The following SLCO2A1 variants were observed in gnomAD, a reference collection of about 807,000 sequenced individuals.
The protein encoded by SLCO2A1 is matrin F/G 1.
Under a neutral mutation model 71.7 loss-of-function variants are expected in SLCO2A1, and 60 were observed. The observed-to-expected ratio is 0.84, with a 90% CI of 0.68 to 1.04. The LOEUF (loss-of-function observed/expected upper bound fraction) is 1.04, where lower values mean the gene tolerates loss of function less well. Ranked by LOEUF, SLCO2A1 falls within the 50% of genes least tolerant of loss-of-function variation. The pLI, the probability that SLCO2A1 is intolerant of heterozygous loss-of-function variation, is 0.00. For synonymous variants in SLCO2A1, 308 were observed against 326.7 expected (o/e 0.94, Z 0.62); for missense variants, 745 against 813.4 (o/e 0.92, Z 1.02).
rs761177468 is a variant in SLCO2A1, at chr3:133,938,433, C to T, written c.1686G>A (p.Leu562=). The change falls in exon 12 of 14, where the codon TTG becomes TTA. Residue 562 remains leucine, a synonymous_variant. Transcript: ENST00000310926. ...AGAGGGGTCTTAGACACTTACCCAG[C>T]AAGCGCATCAACAAGAACTGCACCC... ...AIGVQFLLMR[L]LAWLPSPALY... 6.2e-7 allele frequency: 1 copy of T among 1,614,074 alleles called. No individual in the cohort carries two copies. The highest frequency in any genetic ancestry group is 8.5e-7 in the Non-Finnish European group (1 of 1,179,948).
At chr3:133,941,281 T>C (rs901296039) in intron 11 of SLCO2A1, among the ~76,000 whole-genome samples, 1 of 152,218 alleles carries the variant, frequency 6.6e-6, no homozygotes, top group Non-Finnish European at 1.5e-5. Flanking sequence ...ATTATTATTA[T>C]TATTATTTGA....
chr3:134,018,043 T>G (rs1935496961), intron 1 of SLCO2A1, among the ~76,000 whole-genome samples: 1 of 152,142 alleles, frequency 6.6e-6, no homozygotes, highest in Non-Finnish European at 1.5e-5. Flanking sequence ...GAAGACAAAC[T>G]GAAAGCTAAG....
chr3:133,944,738 G>A (rs1001184315), intron 10 of SLCO2A1, among the ~76,000 whole-genome samples: 1 of 152,218 alleles, frequency 6.6e-6, no homozygotes, highest in Non-Finnish European at 1.5e-5. Context: ...TCTGGGCCAC[G>A]GCCAGCCTGC....
chr3:133,956,553 C>G lies in SLCO2A1; in HGVS notation c.398-1360G>C, dbSNP rs184950911. On this transcript the variant is annotated intron_variant, in intron 3 of 13. Coordinates refer to ENST00000310926, the MANE Select transcript of SLCO2A1 (RefSeq NM_005630.3). Reference sequence around the variant, plus strand: ...TCATCTAGACCTTCAATAGTTGTGTCCGTGGAAGGAAGCATCCTGGCAAGC... The same window carrying G: ...TCATCTAGACCTTCAATAGTTGTGTGCGTGGAAGGAAGCATCCTGGCAAGC... Among the ~76,000 whole-genome samples the G allele has an allele frequency of 3.9e-5, 6 of 152,318 alleles. No homozygotes were observed. In the East Asian group the frequency reaches 1.2e-3, roughly 29 times the overall value.
rs573841069 is a variant in SLCO2A1, at chr3:133,932,935, C to T, written c.*1778G>A. 1 of 152,744 alleles carries T rather than the reference C, an allele frequency of 6.5e-6. No homozygotes were observed. The highest frequency in any genetic ancestry group is 1.9e-4 in the East Asian group (1 of 5,186). The allele number at this position is 152,744 out of a possible 1,614,324, so 9.5% of individuals were successfully genotyped here. A position where few individuals can be genotyped will look rare whatever the true frequency, so the allele number is the denominator to read the frequency against. Reference sequence around the variant, plus strand: ...ACTGGCCCCTGAGGTTACATTGAGCCTCCCTTCCTGAGTGAGATGTTTGGA... The same window carrying T: ...ACTGGCCCCTGAGGTTACATTGAGCTTCCCTTCCTGAGTGAGATGTTTGGA... On this transcript the variant is annotated 3_prime_UTR_variant, in exon 14 of 14. Transcript: ENST00000310926.
At chr3:133,967,249 C>T (rs1361684189) in intron 3 of SLCO2A1, among the ~76,000 whole-genome samples, 7 of 152,210 alleles carry the variant, frequency 4.6e-5, no homozygotes, top group South Asian at 4.1e-4. Flanking sequence ...GTGCTAGAGA[C>T]GCAGAACAAG....
Position 133,945,350 on chromosome 3 carries a change from G to A in SLCO2A1, c.1296-90C>T, listed in dbSNP as rs571603877. The A allele has an allele frequency of 1.0e-5, 13 of 1,266,362 alleles. No homozygotes were observed. In the South Asian group the frequency reaches 1.7e-4, roughly 17 times the overall value. 78.4% of individuals were successfully genotyped at this position (1,266,362 alleles called of 1,614,324 possible). ...GCCCAGTGTGAGTTCCTGGCCTGGT[G>A]AGTGTGTCTGTGCATCTTTATTTCT... is the stretch of plus-strand genomic sequence containing the variant. On this transcript the variant is annotated intron_variant, in intron 9 of 13. Coordinates refer to ENST00000310926, the MANE Select transcript of SLCO2A1 (RefSeq NM_005630.3).
chr3:133,986,865 T>G (rs1263379421), intron 1 of SLCO2A1, among the ~76,000 whole-genome samples: 5 of 152,192 alleles, frequency 3.3e-5, no homozygotes, highest in Non-Finnish European at 5.9e-5. Context: ...CATGGCTTTT[T>G]TTGATCTACA....
intron 3 of SLCO2A1, among the ~76,000 whole-genome samples, chr3:133,968,086 A>G (rs938885650): frequency 4.4e-5 from 6 of 135,414 alleles, no homozygotes; most frequent in African/African-American, 1.1e-4. Flanking sequence ...CCCTTCACAT[A>G]CACCCCAACC....
At chr3:133,971,756 G>A (rs1934333362) in intron 3 of SLCO2A1, among the ~76,000 whole-genome samples, 1 of 152,120 alleles carries the variant, frequency 6.6e-6, no homozygotes, top group Non-Finnish European at 1.5e-5. Context: ...CTATGAACTA[G>A]GCCTCTCACA....
At chr3:133,989,783 G>A (rs1934798348) in intron 1 of SLCO2A1, among the ~76,000 whole-genome samples, 1 of 152,164 alleles carries the variant, frequency 6.6e-6, no homozygotes, top group Non-Finnish European at 1.5e-5. Context: ...TTGTTCTGCA[G>A]TTTCTTGACT....
chr3:133,947,200 C>A, intron 9 of SLCO2A1, 56 bp downstream of exon 9: 1 of 1,446,106 alleles, frequency 6.9e-7, no homozygotes, highest in South Asian at 1.2e-5. Flanking sequence ...GTATAACAGC[C>A]AGATCTAAGC....
chr3:133,961,851 G>A (rs1576436015), intron 3 of SLCO2A1, among the ~76,000 whole-genome samples: 1 of 152,088 alleles, frequency 6.6e-6, no homozygotes, highest in Non-Finnish European at 1.5e-5. Flanking sequence ...ATCAAGTTCT[G>A]ACACATATAA....
intron 1 of SLCO2A1, among the ~76,000 whole-genome samples, chr3:134,016,021 C>A (rs7630191): frequency 6.6e-6 from 1 of 151,802 alleles, no homozygotes; most frequent in Non-Finnish European, 1.5e-5. Flanking sequence ...TAACCTAAAC[C>A]TTACATCCAT....
At chr3:133,986,055 T>G (rs13069549) in intron 1 of SLCO2A1, among the ~76,000 whole-genome samples, 1 of 152,280 alleles carries the variant, frequency 6.6e-6, no homozygotes, top group African/African-American at 2.4e-5. Context: ...TTCTACTTTT[T>G]AATTTTGTGG....
chr3:134,026,052 T>G (rs1353294759), intron 1 of SLCO2A1, among the ~76,000 whole-genome samples: 3 of 152,194 alleles, frequency 2.0e-5, no homozygotes, highest in African/African-American at 7.2e-5. Context: ...CGAGAATTAG[T>G]ACCTACAGAC....
rs146062143 is a variant in SLCO2A1, at chr3:133,942,714, A to T, written c.1516T>A (p.Ser506Thr). The change falls in exon 11 of 14, where the codon TCG (serine) becomes ACG (threonine). Residue 506 changes from serine (S) to threonine (T), a missense_variant. Coordinates refer to ENST00000310926, the MANE Select transcript of SLCO2A1 (RefSeq NM_005630.3). The stretch of plus-strand genomic sequence containing the variant: ...AAGTGGGCACAGGGGACAGGGCACG[A>T]TCCTGTCTTTGCTGAAGCGGATCCC... ...TGGSASAKTG[S>T]CPVPCAHFLL... The T allele has an allele frequency of 3.6e-5, 58 of 1,613,608 alleles. No individual in the cohort carries two copies. The African/African-American group carries it at 6.9e-4, about 19-fold the overall frequency.
chr3:134,011,289 T>C (rs1008062397), intron 1 of SLCO2A1, among the ~76,000 whole-genome samples: 2 of 152,170 alleles, frequency 1.3e-5, no homozygotes, highest in Non-Finnish European at 2.9e-5. Flanking sequence ...GACCTTGTGA[T>C]CCGCCCACCT....
At chr3:133,989,435 T>G (rs1485166411) in intron 1 of SLCO2A1, among the ~76,000 whole-genome samples, 1 of 152,160 alleles carries the variant, frequency 6.6e-6, no homozygotes, top group East Asian at 1.9e-4. Flanking sequence ...TTCCCTCTCT[T>G]GGGAAGAAGC....
Sources: allele counts gnomAD v4.1 joint callset (sites outside exome capture counted in the v4.1 genomes callset), GRCh38; gene constraint gnomAD v4.1.1; transcripts MANE v1.5; gene names NCBI Gene and HGNC (gene_info 2026-07-23, HGNC 2026-07-21).